ENTPD5: variants seen among roughly 807,000 people sequenced by gnomAD.
ENTPD5 encodes the protein ectonucleoside triphosphate diphosphohydrolase 5 (inactive), also known as nucleoside diphosphate phosphatase ENTPD5.
In ENTPD5, 49 loss-of-function variants were observed where a neutral mutation model predicts 60.2. The ratio of observed to expected loss-of-function variants is 0.81; its 90% CI spans 0.65 to 1.03. The LOEUF (loss-of-function observed/expected upper bound fraction) is 1.03, where lower values mean the gene tolerates loss of function less well. Ranked by LOEUF, ENTPD5 falls within the 50% of genes least tolerant of loss-of-function variation. The probability of loss-of-function intolerance (pLI) is 0.00; values close to 1 mark genes in which losing one functional copy is unlikely to be tolerated. For missense variants in ENTPD5, 480 were observed against 507.6 expected, an observed-to-expected ratio of 0.95 and a Z score of 0.52; for synonymous variants, 187 against 185.4, an observed-to-expected ratio of 1.01 and a Z score of -0.07.
At chr14:73,959,745 T>C (rs2056623727), downstream of ENTPD5, 2 of 1,159,578 alleles carry the variant, frequency 1.7e-6, no homozygotes, top group Admixed American at 2.9e-5. Flanking sequence ...AATTTTTCTA[T>C]TTTTAGTAGA....
Position 74,000,530 on chromosome 14 carries a change from C to G in ENTPD5, c.-71+10561G>C, listed in dbSNP as rs991153795. On this transcript the variant is annotated intron_variant, in intron 3 of 15. Coordinates refer to ENST00000334696, the MANE Select transcript of ENTPD5 (RefSeq NM_001249.5). The stretch of plus-strand genomic sequence containing the variant: ...GCACAGTGGCTCACGCCTGTAATCC[C>G]AACACTTTGGGAGGCCGAGGAGGGT... Among the ~76,000 whole-genome samples the G allele has an allele frequency of 3.5e-4, 53 of 151,644 alleles. 1 individual carries two copies. Among genetic ancestry groups the G allele is most frequent in the African/African-American group, 1.3e-3 (52 of 41,226 alleles).
downstream of ENTPD5, chr14:73,961,910 G>C (rs201816668): frequency 6.2e-7 from 1 of 1,614,108 alleles, no homozygotes; most frequent in Admixed American, 1.7e-5. Context: ...CAAAGTAAGA[G>C]GTTGCTCAGA....
chr14:73,989,571 T>A (rs1171143705), intron 3 of ENTPD5, among the ~76,000 whole-genome samples: 1 of 151,424 alleles, frequency 6.6e-6, no homozygotes, highest in Non-Finnish European at 1.5e-5. Flanking sequence ...CGGTGGCTCA[T>A]GCCTGTAATC....
chr14:73,982,977 G>C, intron 6 of ENTPD5, 41 bp downstream of exon 6: 1 of 1,595,856 alleles, frequency 6.3e-7, no homozygotes, highest in Non-Finnish European at 8.6e-7. Flanking sequence ...TTCATATAGG[G>C]AAAAGGGCAG....
At chr14:73,976,974 T>C in intron 8 of ENTPD5, 50 bp downstream of exon 8, 1 of 1,430,682 alleles carries the variant, frequency 7.0e-7, no homozygotes, top group Non-Finnish European at 9.8e-7. Flanking sequence ...CCTCTGACTA[T>C]GCATGTAAAA....
At chr14:73,955,369 T>C (rs1279027781), downstream of ENTPD5, 14 of 1,008,606 alleles carry the variant, frequency 1.4e-5, no homozygotes, top group East Asian at 2.8e-4. Context: ...GAAAACAACC[T>C]CTTACGTAAC....
At position 73,964,576 on chromosome 14, in the gene ENTPD5, A is replaced by G. The variant is rs562971662; in HGVS notation, c.*2352T>C. The G allele has an allele frequency of 1.1e-4, 17 of 152,346 alleles. No homozygotes were observed. Among genetic ancestry groups the G allele is most frequent in the East Asian group, 7.7e-4 (4 of 5,190 alleles). 9.4% of individuals were successfully genotyped at this position (152,346 alleles called of 1,614,324 possible). On this transcript the variant is annotated 3_prime_UTR_variant, in exon 16 of 16. Transcript: ENST00000334696. ...CACAGTGATTAAAGACCAGAGACTT[A>G]TATCTCTGCATTTGTCAAGCTGGAA... is the stretch of plus-strand genomic sequence containing the variant.
rs895076945 is a variant in ENTPD5 at position 74,011,108 on chromosome 14, C to A, written c.-88G>T. On this transcript the variant is annotated 5_prime_UTR_variant, in exon 3 of 16. Coordinates refer to ENST00000334696, the MANE Select transcript of ENTPD5 (RefSeq NM_001249.5). ...TTACTTACCAATTTTTTCTTTCCTT[C>A]TGAATTTTCTCCTTGGTTCCTTTAT... The A allele has an allele frequency of 1.2e-6, 1 of 868,598 alleles. No individual in the cohort carries two copies. The allele number at this position is 868,598 out of a possible 1,614,324, so 53.8% of individuals were successfully genotyped here.
At chr14:74,006,747 G>C (rs1208731128) in intron 3 of ENTPD5, among the ~76,000 whole-genome samples, 1 of 136,302 alleles carries the variant, frequency 7.3e-6, no homozygotes, top group African/African-American at 2.4e-5. Context: ...ACCATGCCCA[G>C]TGAATTTTCA....
downstream of ENTPD5, chr14:73,958,849 C>G: frequency 6.5e-7 from 1 of 1,545,838 alleles, no homozygotes. Flanking sequence ...TGAAGCAGGC[C>G]TGATGGAATT....
At chr14:73,957,166 C>T (rs975709285), downstream of ENTPD5, among the ~76,000 whole-genome samples, 3 of 151,360 alleles carry the variant, frequency 2.0e-5, no homozygotes, top group Admixed American at 6.6e-5. Flanking sequence ...GGCACAGTCT[C>T]GGCTCACTGC....
rs768247667 is a variant in ENTPD5, at chr14:73,976,364, C to G, written c.602G>C (p.Gly201Ala). Reference protein sequence around the residue: ...RQETVGTLDLGGASTQITFLP... With the variant: ...RQETVGTLDLAGASTQITFLP... The stretch of plus-strand genomic sequence containing the variant: ...GAACGTGATTTGGGTGGAGGCTCCC[C>G]CTAGGTCCAAGGTCCCCACAGTCTC... The change falls in exon 9 of 16, where the codon GGG becomes GCG. Residue 201 changes from glycine (G) to alanine (A), a missense_variant. Gly to Ala is a moderately conservative substitution (Grantham distance 60). Coordinates refer to ENST00000334696, the MANE Select transcript of ENTPD5 (RefSeq NM_001249.5). The G allele has an allele frequency of 3.0e-5, 49 of 1,614,070 alleles. No individual in the cohort carries two copies. The highest frequency in any genetic ancestry group is 3.9e-5 in the Non-Finnish European group (46 of 1,180,032).
Position 73,966,808 on chromosome 14 carries a change from TTAAACC to T in ENTPD5, c.*114_*119del. On this transcript the variant is annotated 3_prime_UTR_variant, in exon 16 of 16. Coordinates refer to ENST00000334696, the MANE Select transcript of ENTPD5 (RefSeq NM_001249.5). ...GTTCACATTAGATGTGTAAAATTAA[TTAAACC>T]TAAATCTCTAGGCTCAAGTCCAGGA... 2.7e-6 allele frequency: 2 copies of T among 751,132 alleles called. No individual in the cohort carries two copies. Among genetic ancestry groups the T allele is most frequent in the Non-Finnish European group, 4.5e-6 (2 of 442,302 alleles). 46.5% of individuals were successfully genotyped at this position (751,132 alleles called of 1,614,324 possible). A position where few individuals can be genotyped will look rare whatever the true frequency, so the allele number is the denominator to read the frequency against.
At chr14:74,000,287 TC>T (rs1184826291) in intron 3 of ENTPD5, among the ~76,000 whole-genome samples, 2 of 150,980 alleles carry the variant, frequency 1.3e-5, no homozygotes, top group Non-Finnish European at 2.9e-5. Flanking sequence ...TGAAACCTCA[TC>T]TCCACCAAAA....
chr14:73,963,602 A>G lies in ENTPD5; in HGVS notation c.*3326T>C, dbSNP rs1378284063. On this transcript the variant is annotated 3_prime_UTR_variant, in exon 16 of 16. Coordinates refer to ENST00000334696, the MANE Select transcript of ENTPD5 (RefSeq NM_001249.5). ...CACTGTCGGTTTAATAAAACAATAA[A>G]TAATTCATTGCACAGATCCGAAGAC... 1 of 156,164 alleles carries G rather than the reference A, an allele frequency of 6.4e-6. No individual in the cohort carries two copies. Among genetic ancestry groups the G allele is most frequent in the African/African-American group, 2.4e-5 (1 of 41,476 alleles). The allele number at this position is 156,164 out of a possible 1,614,324, so 9.7% of individuals were successfully genotyped here.
downstream of ENTPD5, chr14:73,962,817 TA>T (rs1395842058): frequency 3.0e-6 from 2 of 662,520 alleles, no homozygotes; most frequent in Admixed American, 5.2e-5. Flanking sequence ...ACCCTGTCTC[TA>T]AAACGTGTGT....
At chr14:73,993,070 C>G (rs1370826970) in intron 3 of ENTPD5, among the ~76,000 whole-genome samples, 2 of 152,088 alleles carry the variant, frequency 1.3e-5, no homozygotes, top group Non-Finnish European at 1.5e-5. Context: ...GGTAAAGTGG[C>G]TCATGCCTGT....
At chr14:74,008,671 A>G (rs1436037725) in intron 3 of ENTPD5, among the ~76,000 whole-genome samples, 1 of 152,132 alleles carries the variant, frequency 6.6e-6, no homozygotes, top group African/African-American at 2.4e-5. Flanking sequence ...CTGGGATTAC[A>G]GGCATGAGCC....
downstream of ENTPD5, chr14:73,961,788 C>G (rs374599292): frequency 1.9e-6 from 3 of 1,614,078 alleles, no homozygotes; most frequent in African/African-American, 4.0e-5. Context: ...CGTCACAACA[C>G]TGCTCTTCTG....
Sources: allele counts gnomAD v4.1 joint callset (sites outside exome capture counted in the v4.1 genomes callset), GRCh38; gene constraint gnomAD v4.1.1; transcripts MANE v1.5; gene names NCBI Gene and HGNC (gene_info 2026-07-23, HGNC 2026-07-21).